MAD1L1: variants seen among roughly 807,000 people sequenced by gnomAD.
MAD1L1 encodes mitotic arrest deficient 1 like 1, also known as mitotic spindle assembly checkpoint protein MAD1.
A neutral mutation model predicts 96.9 loss-of-function variants in MAD1L1; 95 were observed. The ratio of observed to expected loss-of-function variants is 0.98; its 90% CI spans 0.83 to 1.16. The LOEUF is 1.16. MAD1L1 is among the 50% of genes most tolerant of loss of function. MAD1L1 has a pLI of 0.00. For synonymous variants in MAD1L1, 473 were observed against 396.6 expected (o/e 1.19, Z -2.29); for missense variants, 1,007 against 954.4 (o/e 1.06, Z -0.73).
At chr7:2,083,508 G>A (rs1317828300) in intron 11 of MAD1L1, among the ~76,000 whole-genome samples, 11 of 152,356 alleles carry the variant, frequency 7.2e-5, no homozygotes, top group South Asian at 2.1e-4. Context: ...GAGGCACGGC[G>A]CTCAGCACTC....
chr7:2,210,670 G>A (rs754167800), intron 10 of MAD1L1, among the ~76,000 whole-genome samples: 7 of 152,276 alleles, frequency 4.6e-5, no homozygotes, highest in East Asian at 1.9e-4. Flanking sequence ...TCAGACACCC[G>A]CCCTGTGGAG....
In MAD1L1 at chr7:1,956,666, C is replaced by T. The variant is rs114830365; in HGVS notation, c.1596+963G>A. 4.1e-3 allele frequency among the ~76,000 whole-genome samples: 631 copies of T among 152,336 alleles called. 6 individuals are homozygous for T. The highest frequency in any genetic ancestry group is 0.014 in the African/African-American group (570 of 41,584). The stretch of plus-strand genomic sequence containing the variant: ...CCAGCCACTCCTCATGCCAACCCCA[C>T]GGTACCTGACAGCCCTTGGCATCTC... On this transcript the variant is annotated intron_variant, in intron 16 of 18. Transcript: ENST00000265854.
rs1217102212 is a variant in MAD1L1 at position 1,957,763 on chromosome 7, A to G, written c.1506-44T>C. The G allele has an allele frequency of 2.5e-6, 4 of 1,589,440 alleles. No individual in the cohort carries two copies. In the African/African-American group the frequency reaches 4.0e-5, roughly 16 times the overall value. ...GGTGACCAGGTGTCCGAGGCCAGCC[A>G]TGCTGGGGAAGTCCCACCCTCTGGG... is the stretch of plus-strand genomic sequence containing the variant. On this transcript the variant is annotated intron_variant, in intron 15 of 18. Coordinates refer to ENST00000265854, the MANE Select transcript of MAD1L1 (RefSeq NM_001013836.2).
Position 2,103,138 on chromosome 7 carries a change from C to A in MAD1L1, c.1074-33800G>T, listed in dbSNP as rs889025229. Among the ~76,000 whole-genome samples the A allele has an allele frequency of 2.0e-5, 3 of 152,194 alleles. No individual in the cohort carries two copies. Among genetic ancestry groups the A allele is most frequent in the South Asian group, 4.1e-4 (2 of 4,826 alleles). ...GCCCCTGCGCTTGCTGCTGCCTCTG[C>A]CTGGAACGGGCTCTCTCCCCTGCCC... On this transcript the variant is annotated intron_variant, in intron 11 of 18. Transcript: ENST00000265854. The surrounding 1 kb of genome is among the most constrained non-coding windows in gnomAD (Gnocchi z 4.3).
At chr7:1,961,170 C>T (rs1287249853) in intron 15 of MAD1L1, among the ~76,000 whole-genome samples, 1 of 152,194 alleles carries the variant, frequency 6.6e-6, no homozygotes, top group African/African-American at 2.4e-5. Flanking sequence ...GTTGGGAACG[C>T]ACTTCTCCCC....
At chr7:1,918,235 G>A (rs1001957401) in intron 17 of MAD1L1, among the ~76,000 whole-genome samples, 2 of 152,176 alleles carry the variant, frequency 1.3e-5, no homozygotes, top group Admixed American at 6.5e-5. Flanking sequence ...GACCGCCCCA[G>A]CCTGGTCTCT....
At chr7:1,854,819 C>A (rs1333812720) in intron 18 of MAD1L1, among the ~76,000 whole-genome samples, 1 of 152,226 alleles carries the variant, frequency 6.6e-6, no homozygotes, top group Non-Finnish European at 1.5e-5. Context: ...AAAGGCAGGA[C>A]AGGAGGGGAC....
chr7:2,152,826 G>A (rs545233023), intron 10 of MAD1L1, among the ~76,000 whole-genome samples: 1 of 152,308 alleles, frequency 6.6e-6, no homozygotes, highest in African/African-American at 2.4e-5. Flanking sequence ...TTTTCAGGGT[G>A]TGCAATCCAA....
intron 17 of MAD1L1, among the ~76,000 whole-genome samples, chr7:1,906,820 C>T (rs2128447517): frequency 6.6e-6 from 1 of 152,354 alleles, no homozygotes; most frequent in Non-Finnish European, 1.5e-5. Context: ...GCGCAAGCTA[C>T]ACAGTCAGCT....
intron 10 of MAD1L1, among the ~76,000 whole-genome samples, chr7:2,154,033 G>A (rs1789706539): frequency 6.6e-6 from 1 of 152,210 alleles, no homozygotes; most frequent in East Asian, 1.9e-4. Flanking sequence ...GCACACGCCT[G>A]TAATCCCAGC....
chr7:1,901,553 CAGT>C (rs1787244074), intron 17 of MAD1L1, among the ~76,000 whole-genome samples: 3 of 152,248 alleles, frequency 2.0e-5, no homozygotes, highest in Admixed American at 6.5e-5. Context: ...TGAGGCGAGA[CAGT>C]GGTGCAGCCT....
chr7:1,927,582 T>C (rs1583813003), intron 17 of MAD1L1, among the ~76,000 whole-genome samples: 1 of 152,254 alleles, frequency 6.6e-6, no homozygotes, highest in East Asian at 1.9e-4. Context: ...CATAATTCAA[T>C]GGTGGCAGGA....
At chr7:1,935,168 T>C (rs956082460) in intron 17 of MAD1L1, among the ~76,000 whole-genome samples, 6 of 152,224 alleles carry the variant, frequency 3.9e-5, no homozygotes, top group Non-Finnish European at 7.3e-5. Flanking sequence ...CAGAGCCACC[T>C]AAAAATATGG....
chr7:2,222,478 C>A, intron 5 of MAD1L1, 97 bp downstream of exon 5: 1 of 1,107,702 alleles, frequency 9.0e-7, no homozygotes, highest in Non-Finnish European at 1.2e-6. Flanking sequence ...GTGGGAAGCA[C>A]AAGTGAAAAC....
chr7:2,169,555 C>T (rs769892324), intron 10 of MAD1L1, among the ~76,000 whole-genome samples: 2 of 152,236 alleles, frequency 1.3e-5, no homozygotes, highest in African/African-American at 4.8e-5. Context: ...TTGCACTGAG[C>T]GGTGGCCAGT....
At chr7:1,949,795 C>T (rs138748046) in intron 16 of MAD1L1, among the ~76,000 whole-genome samples, 1,992 of 152,346 alleles carry the variant, frequency 0.013, 36 homozygotes, top group African/African-American at 0.045. Flanking sequence ...GTCCAAGAGC[C>T]GCGGGGACTG....
intron 12 of MAD1L1, among the ~76,000 whole-genome samples, chr7:2,015,944 G>C (rs1025567887): frequency 2.0e-5 from 3 of 152,232 alleles, no homozygotes; most frequent in Admixed American, 6.5e-5. Flanking sequence ...TGGAGGATGA[G>C]GATGCTGGGG....
intron 16 of MAD1L1, among the ~76,000 whole-genome samples, chr7:1,941,689 C>T (rs1779006811): frequency 1.3e-5 from 2 of 152,220 alleles, no homozygotes; most frequent in African/African-American, 2.4e-5. Flanking sequence ...CGCAGGTTCC[C>T]GTGGCCCGGC....
At chr7:1,827,665 CCGGG>C in intron 18 of MAD1L1, among the ~76,000 whole-genome samples, 1 of 98,130 alleles carries the variant, frequency 1.0e-5, no homozygotes, top group Non-Finnish European at 2.3e-5. Flanking sequence ...TGAGCCCGGC[CCGGG>C]TGTGGGGGCC....
Sources: allele counts gnomAD v4.1 joint callset (sites outside exome capture counted in the v4.1 genomes callset), GRCh38; gene constraint gnomAD v4.1.1; non-coding constraint Gnocchi (gnomAD v3.1); transcripts MANE v1.5; gene names NCBI Gene and HGNC (gene_info 2026-07-23, HGNC 2026-07-21).